Variants in ATG10 observed in about 807,000 individuals in gnomAD.
ATG10 encodes the protein autophagy related 10, also known as ubiquitin-like-conjugating enzyme ATG10.
Under a neutral mutation model 32.1 loss-of-function variants are expected in ATG10, and 30 were observed. The ratio of observed to expected loss-of-function variants is 0.94; its 90% CI spans 0.70 to 1.27. The LOEUF is 1.27. ATG10 is among the 50% of genes most tolerant of loss of function. The pLI is 0.00. For synonymous variants in ATG10, 87 were observed against 91.5 expected (o/e 0.95, Z 0.28); for missense variants, 233 against 262.3 (o/e 0.89, Z 0.77).
chr5:81,980,917 C>G (rs1225252392), intron 1 of ATG10, among the ~76,000 whole-genome samples: 11 of 152,154 alleles, frequency 7.2e-5, no homozygotes, highest in Non-Finnish European at 1.5e-4. Context: ...CCTCTTTCCC[C>G]TGACCTAGTG....
chr5:82,025,270 G>A (rs1231974562), intron 2 of ATG10, among the ~76,000 whole-genome samples: 1 of 152,194 alleles, frequency 6.6e-6, no homozygotes, highest in East Asian at 1.9e-4. Context: ...ATGTACATAA[G>A]TCATAGAAAT....
chr5:82,093,522 A>G (rs554243100), intron 3 of ATG10, among the ~76,000 whole-genome samples: 1 of 152,310 alleles, frequency 6.6e-6, no homozygotes, highest in East Asian at 1.9e-4. Flanking sequence ...GCAGCCCATG[A>G]GTCAAATCTG....
chr5:82,133,490 T>A (rs1196597489), intron 3 of ATG10, among the ~76,000 whole-genome samples: 1 of 152,110 alleles, frequency 6.6e-6, no homozygotes, highest in Non-Finnish European at 1.5e-5. Flanking sequence ...ATCTTTTCCC[T>A]ATTGCTTGTT....
chr5:82,140,996 G>A, intron 3 of ATG10, among the ~76,000 whole-genome samples: 1 of 103,672 alleles, frequency 9.6e-6, no homozygotes, highest in African/African-American at 3.8e-5. Flanking sequence ...GGTGCAAGAT[G>A]TGCTTTGTTA....
intron 5 of ATG10, among the ~76,000 whole-genome samples, chr5:82,186,853 A>T (rs1314329019): frequency 6.6e-6 from 1 of 152,178 alleles, no homozygotes; most frequent in Admixed American, 6.5e-5. Context: ...AAGTGCTGGG[A>T]TTACAGGCGT....
At chr5:82,095,733 G>A (rs1765034727) in intron 3 of ATG10, among the ~76,000 whole-genome samples, 1 of 152,062 alleles carries the variant, frequency 6.6e-6, no homozygotes, top group Non-Finnish European at 1.5e-5. Context: ...GGCTGGGGAG[G>A]TGCACAGGCC....
intron 2 of ATG10, among the ~76,000 whole-genome samples, chr5:82,035,014 C>T (rs760728260): frequency 3.9e-5 from 6 of 151,980 alleles, no homozygotes; most frequent in Non-Finnish European, 7.4e-5. Context: ...CAGGTTCAAG[C>T]GATACCCCTG....
At chr5:82,038,035 T>C (rs1411162312) in intron 2 of ATG10, among the ~76,000 whole-genome samples, 3 of 152,260 alleles carry the variant, frequency 2.0e-5, no homozygotes, top group Non-Finnish European at 4.4e-5. Flanking sequence ...AGATTCTGGC[T>C]AACCTAAGTA....
intron 5 of ATG10, among the ~76,000 whole-genome samples, chr5:82,204,570 T>C (rs959255483): frequency 6.6e-6 from 1 of 152,050 alleles, no homozygotes; most frequent in Non-Finnish European, 1.5e-5. Context: ...AGAATGGAAA[T>C]GATTGGAAGG....
chr5:82,105,138 G>A (rs1484428106), intron 3 of ATG10, among the ~76,000 whole-genome samples: 1 of 152,072 alleles, frequency 6.6e-6, no homozygotes, highest in Non-Finnish European at 1.5e-5. Flanking sequence ...TGCTGTACTG[G>A]TATTGGTTAA....
chr5:82,053,618 T>C (rs1448267517), intron 2 of ATG10, among the ~76,000 whole-genome samples: 1 of 151,310 alleles, frequency 6.6e-6, no homozygotes, highest in Non-Finnish European at 1.5e-5. Flanking sequence ...GTGAAGGGCA[T>C]TCTATTTAGA....
chr5:82,079,500 G>C (rs932755023), intron 3 of ATG10, among the ~76,000 whole-genome samples: 2 of 151,822 alleles, frequency 1.3e-5, no homozygotes, highest in Admixed American at 6.6e-5. Context: ...ATATCTCCTA[G>C]TGCTATCCCT....
intron 5 of ATG10, among the ~76,000 whole-genome samples, chr5:82,243,787 T>G (rs965182399): frequency 1.2e-4 from 19 of 152,118 alleles, no homozygotes; most frequent in Non-Finnish European, 2.2e-4. Context: ...CACAAATAAC[T>G]AGCTTAATCT....
At chr5:82,057,839 G>A (rs1052643811) in intron 2 of ATG10, among the ~76,000 whole-genome samples, 1 of 152,142 alleles carries the variant, frequency 6.6e-6, no homozygotes, top group Non-Finnish European at 1.5e-5. Context: ...GCAAATGGTG[G>A]TCATTTCTTC....
chr5:81,976,719 A>G (rs969975524), intron 1 of ATG10, among the ~76,000 whole-genome samples: 1 of 152,136 alleles, frequency 6.6e-6, no homozygotes, highest in Non-Finnish European at 1.5e-5. Context: ...GAGCTGACCA[A>G]TTCATTAATA....
intron 5 of ATG10, among the ~76,000 whole-genome samples, chr5:82,202,167 C>G (rs1292667436): frequency 6.6e-6 from 1 of 152,128 alleles, no homozygotes; most frequent in Admixed American, 6.5e-5. Flanking sequence ...GATATGAGGG[C>G]CATGATGGTT....
At chr5:82,037,564 C>T (rs538341266) in intron 2 of ATG10, among the ~76,000 whole-genome samples, 4 of 151,950 alleles carry the variant, frequency 2.6e-5, no homozygotes, top group African/African-American at 9.6e-5. Context: ...CTTTTTATGT[C>T]TAATGTTGAA....
At chr5:82,038,359 A>G (rs940755330) in intron 2 of ATG10, among the ~76,000 whole-genome samples, 9 of 152,220 alleles carry the variant, frequency 5.9e-5, no homozygotes, top group Non-Finnish European at 7.3e-5. Context: ...AGGTGGCCCC[A>G]TAGTGTTTAC....
At chr5:82,247,964 G>A (rs1415451261) in intron 5 of ATG10, among the ~76,000 whole-genome samples, 1 of 152,104 alleles carries the variant, frequency 6.6e-6, no homozygotes, top group Non-Finnish European at 1.5e-5. Flanking sequence ...TGTAAAGCTT[G>A]CAGGTTGGCC....
Sources: gnomAD v4.1 joint callset for allele counts (sites outside exome capture counted in the v4.1 genomes callset) on GRCh38, gnomAD v4.1.1 for gene constraint, MANE v1.5 for transcripts, NCBI Gene and HGNC (gene_info 2026-07-23, HGNC 2026-07-21) for gene names.